The following ALK variants were observed in gnomAD, a reference collection of about 807,000 sequenced individuals.
ALK encodes the protein ALK tyrosine kinase receptor.
ALK carries 74 observed loss-of-function variants against 163.1 expected under a neutral mutation model. The observed-to-expected ratio is 0.45, with a 90% CI of 0.38 to 0.55. The LOEUF (loss-of-function observed/expected upper bound fraction) is 0.55, where lower values mean the gene tolerates loss of function less well. Ranked by LOEUF, ALK falls within the 20% of genes least tolerant of loss-of-function variation. The pLI, the probability that ALK is intolerant of heterozygous loss-of-function variation, is 0.00. For synonymous variants in ALK, 960 were observed against 843.2 expected, an observed-to-expected ratio of 1.14 and a Z score of -2.40; for missense variants, 2,063 against 2,105.3, an observed-to-expected ratio of 0.98 and a Z score of 0.39.
intron 2 of ALK, among the ~76,000 whole-genome samples, chr2:29,697,177 G>C (rs1001299726): frequency 2.0e-5 from 3 of 152,136 alleles, no homozygotes; most frequent in Admixed American, 2.0e-4. Flanking sequence ...CTTTCTGATT[G>C]ATAAGGGAAA....
rs143229596 is a variant in ALK at position 29,694,994 on chromosome 2, A to G, written c.808T>C (p.Phe270Leu). 144 of 1,613,962 alleles carry G rather than the reference A, an allele frequency of 8.9e-5. No homozygotes were observed. Among genetic ancestry groups the G allele is most frequent in the Non-Finnish European group, 1.1e-4 (131 of 1,179,980 alleles). ...SRYGLECSFD[F>L]PCELEYSPPL... The stretch of plus-strand genomic sequence containing the variant: ...GGGGAATACTCCAGCTCACAGGGGA[A>G]GTCAAAGCTGCACTCCAGACCTGCA... The change falls in exon 3 of 29, where the codon TTC (phenylalanine) becomes CTC (leucine). Residue 270 changes from phenylalanine to leucine, a missense_variant. Physicochemically the swap from Phe to Leu is conservative, Grantham distance 22 (BLOSUM62 0). Coordinates refer to ENST00000389048, the MANE Select transcript of ALK (RefSeq NM_004304.5).
At chr2:29,805,612 T>C (rs1033557104) in intron 1 of ALK, among the ~76,000 whole-genome samples, 8 of 152,192 alleles carry the variant, frequency 5.3e-5, no homozygotes, top group African/African-American at 9.7e-5. Context: ...CCTGTTCCTG[T>C]GTTACTTTGC....
intron 4 of ALK, among the ~76,000 whole-genome samples, chr2:29,528,308 C>T (rs1055383437): frequency 2.6e-5 from 4 of 152,254 alleles, no homozygotes; most frequent in Admixed American, 6.5e-5. Context: ...CTACACGCCA[C>T]CCACCATCAA....
intron 1 of ALK, among the ~76,000 whole-genome samples, chr2:29,915,574 C>T (rs1352102346): frequency 6.6e-6 from 1 of 152,182 alleles, no homozygotes; most frequent in African/African-American, 2.4e-5. Flanking sequence ...TACACAAAAA[C>T]CCCTCATGGA....
intron 1 of ALK, among the ~76,000 whole-genome samples, chr2:29,789,705 A>T (rs1043025207): frequency 9.2e-5 from 14 of 152,192 alleles, no homozygotes; most frequent in African/African-American, 3.4e-4. Context: ...TTGTCCAGCT[A>T]AATCTCAACC....
intron 1 of ALK, among the ~76,000 whole-genome samples, chr2:29,912,137 G>A (rs1362968155): frequency 6.6e-6 from 1 of 152,106 alleles, no homozygotes; most frequent in Non-Finnish European, 1.5e-5. Flanking sequence ...GATCTAACAG[G>A]TGTGTAATCA....
intron 3 of ALK, among the ~76,000 whole-genome samples, chr2:29,692,495 C>T (rs1055412121): frequency 1.3e-5 from 2 of 152,220 alleles, no homozygotes; most frequent in African/African-American, 2.4e-5. Context: ...GCATTAGATT[C>T]TCATAAGAAG....
In ALK at chr2:29,697,685, G is replaced by A. The variant is rs540594609; in HGVS notation, c.788-2671C>T. On this transcript the variant is annotated intron_variant, in intron 2 of 28. Coordinates refer to ENST00000389048, the MANE Select transcript of ALK (RefSeq NM_004304.5). ...TTGGACAGACAATATGAGGAATTCA[G>A]TTTGAGTCCAGGCATGACTAGTTAC... is the stretch of plus-strand genomic sequence containing the variant. 1.4e-4 allele frequency among the ~76,000 whole-genome samples: 21 copies of A among 152,354 alleles called. No homozygotes were observed. In the South Asian group the frequency reaches 4.3e-3, roughly 32 times the overall value.
At chr2:29,397,200 G>A (rs1416651738) in intron 4 of ALK, among the ~76,000 whole-genome samples, 1 of 152,024 alleles carries the variant, frequency 6.6e-6, no homozygotes, top group African/African-American at 2.4e-5. Flanking sequence ...AGATCATTAG[G>A]GTGGGCACCC....
chr2:29,660,061 A>C (rs1260145816), intron 3 of ALK, among the ~76,000 whole-genome samples: 2 of 152,190 alleles, frequency 1.3e-5, no homozygotes, highest in Non-Finnish European at 2.9e-5. Context: ...AATGTGTACA[A>C]TTTTGGAAGG....
At chr2:29,910,428 G>A (rs898374665) in intron 1 of ALK, among the ~76,000 whole-genome samples, 1 of 152,052 alleles carries the variant, frequency 6.6e-6, no homozygotes, top group Non-Finnish European at 1.5e-5. Context: ...TAGAAAGGAG[G>A]AGCAGAAAAC....
In ALK at chr2:29,518,150, G is replaced by A. The variant is rs558578670; in HGVS notation, c.1154+13765C>T. Among the ~76,000 whole-genome samples the A allele has an allele frequency of 3.3e-5, 5 of 152,260 alleles. No individual in the cohort carries two copies. The South Asian group carries it at 1.0e-3, about 32-fold the overall frequency. On this transcript the variant is annotated intron_variant, in intron 4 of 28. Coordinates refer to ENST00000389048, the MANE Select transcript of ALK (RefSeq NM_004304.5). ...GCAGTCTCTCTGGCATGAACTCCAG[G>A]CCCATTTTAAATAACGCATCTAAAT...
chr2:29,848,091 C>G (rs528488976), intron 1 of ALK, among the ~76,000 whole-genome samples: 1 of 152,050 alleles, frequency 6.6e-6, no homozygotes, highest in Non-Finnish European at 1.5e-5. Context: ...AGGCTCGGTA[C>G]GCAGCTGCCA....
chr2:29,908,980 T>A (rs1667626142), intron 1 of ALK, among the ~76,000 whole-genome samples: 1 of 152,230 alleles, frequency 6.6e-6, no homozygotes, highest in South Asian at 2.1e-4. Flanking sequence ...AAATAAGCAT[T>A]TCCTCAGGCA....
chr2:29,875,868 G>A (rs902371225), intron 1 of ALK, among the ~76,000 whole-genome samples: 6 of 152,134 alleles, frequency 3.9e-5, no homozygotes, highest in Non-Finnish European at 1.5e-5. Flanking sequence ...CTTTGCTATT[G>A]TAAATAGTGC....
At chr2:29,552,928 C>A (rs891261065) in intron 3 of ALK, among the ~76,000 whole-genome samples, 2 of 152,162 alleles carry the variant, frequency 1.3e-5, no homozygotes, top group African/African-American at 4.8e-5. Flanking sequence ...GTTCTCAATG[C>A]CCCCACAGTT....
At chr2:29,545,536 C>T (rs1188541040) in intron 3 of ALK, among the ~76,000 whole-genome samples, 2 of 152,282 alleles carry the variant, frequency 1.3e-5, no homozygotes, top group Middle Eastern at 3.4e-3. Context: ...TTGGTCCAAC[C>T]TGTTCACCTT....
chr2:29,666,375 T>A (rs1677514060), intron 3 of ALK, among the ~76,000 whole-genome samples: 1 of 151,190 alleles, frequency 6.6e-6, no homozygotes, highest in African/African-American at 2.4e-5. Flanking sequence ...ATCAAAAAAA[T>A]GGTATTTTCT....
At chr2:29,656,936 C>G (rs771564439) in intron 3 of ALK, among the ~76,000 whole-genome samples, 13 of 152,186 alleles carry the variant, frequency 8.5e-5, no homozygotes, top group Non-Finnish European at 1.6e-4. Flanking sequence ...ATATAAAGGG[C>G]ATGGTGTCTC....
Sources: gnomAD v4.1 joint callset for allele counts (sites outside exome capture counted in the v4.1 genomes callset) on GRCh38, gnomAD v4.1.1 for gene constraint, MANE v1.5 for transcripts, NCBI Gene and HGNC (gene_info 2026-07-23, HGNC 2026-07-21) for gene names.